Variants in NEXMIF observed in about 807,000 individuals in gnomAD.
The protein encoded by NEXMIF is neurite extension and migration factor, also known as XLMR protein related to neurite extension.
NEXMIF carries 8 observed loss-of-function variants against 62.1 expected under a neutral mutation model. The ratio of observed to expected loss-of-function variants is 0.13; its 90% CI spans 0.08 to 0.23. NEXMIF has a LOEUF of 0.23. NEXMIF is among the 10% of genes least tolerant of loss of function. NEXMIF has a pLI of 1.00. For missense variants in NEXMIF, 976 were observed against 1,113.3 expected (o/e 0.88, Z 1.75); for synonymous variants, 404 against 416.6 (o/e 0.97, Z 0.37).
At chrX:74,919,930 C>T (rs922746116) in intron 1 of NEXMIF, among the ~76,000 whole-genome samples, 1 of 110,722 alleles carries the variant, frequency 9.0e-6, no homozygotes, top group African/African-American at 3.3e-5. Flanking sequence ...CCAATTTCAT[C>T]CATGTCCCTA....
intron 1 of NEXMIF, among the ~76,000 whole-genome samples, chrX:74,846,121 C>T (rs2080491205): frequency 8.9e-6 from 1 of 112,949 alleles, no homozygotes; most frequent in East Asian, 2.8e-4. Context: ...CTTCTCCCAG[C>T]CACCCTCAAC....
intron 1 of NEXMIF, among the ~76,000 whole-genome samples, chrX:74,823,547 A>G (rs1424900460): frequency 2.7e-5 from 3 of 111,530 alleles, no homozygotes; most frequent in Non-Finnish European, 5.7e-5. Context: ...GAAATTCCAA[A>G]TTTTGATTGT....
intron 1 of NEXMIF, among the ~76,000 whole-genome samples, chrX:74,917,111 C>A (rs1233603330): frequency 8.9e-6 from 1 of 111,922 alleles, no homozygotes; most frequent in Non-Finnish European, 1.9e-5. Context: ...TGTGTCCCTG[C>A]CCAAATCCCA....
At chrX:74,921,974 T>C (rs1021268175) in intron 1 of NEXMIF, among the ~76,000 whole-genome samples, 2 of 111,666 alleles carry the variant, frequency 1.8e-5, no homozygotes, top group Non-Finnish European at 3.8e-5. Flanking sequence ...GAAGAAAAAA[T>C]ATTATTTACT....
intron 1 of NEXMIF, among the ~76,000 whole-genome samples, chrX:74,798,594 A>G (rs2147469478): frequency 8.9e-6 from 1 of 112,448 alleles, no homozygotes; most frequent in East Asian, 2.8e-4. Flanking sequence ...CTTATCAAGT[A>G]ATTTTGGTTT....
chrX:74,903,248 T>G (rs1343532423), intron 1 of NEXMIF, among the ~76,000 whole-genome samples: 1 of 109,374 alleles, frequency 9.1e-6, no homozygotes, highest in African/African-American at 3.3e-5. Context: ...GGTTTCTTTA[T>G]AGAGGAATTT....
intron 1 of NEXMIF, among the ~76,000 whole-genome samples, chrX:74,890,906 G>C (rs1273402612): frequency 9.0e-6 from 1 of 111,167 alleles, no homozygotes; most frequent in African/African-American, 3.3e-5. Flanking sequence ...CAGTAGACAT[G>C]CTGCCACTGC....
Position 74,743,047 on chromosome X carries a change from C to T in NEXMIF, c.1510G>A (p.Val504Ile), listed in dbSNP as rs1398828757. The change falls in exon 3 of 4, where the codon GTA becomes ATA. Residue 504 changes from valine to isoleucine, a missense_variant. Val to Ile is a conservative substitution (Grantham distance 29). Transcript: ENST00000055682. ...GGCAGCCATTCCTTCCTCTCATTTA[C>T]TTTTTCACCCTCTAGTGAGTCAACA... is the stretch of plus-strand genomic sequence containing the variant. Reference protein sequence around the residue: ...YDVDSLEGEKVNERKEWLPVG... With the variant: ...YDVDSLEGEKINERKEWLPVG... 2 of 1,208,709 alleles carry T rather than the reference C, an allele frequency of 1.7e-6. No homozygotes were observed. Among genetic ancestry groups the T allele is most frequent in the Non-Finnish European group, 2.2e-6 (2 of 894,559 alleles).
chrX:74,889,159 G>C (rs1316019175), intron 1 of NEXMIF, among the ~76,000 whole-genome samples: 1 of 111,954 alleles, frequency 8.9e-6, no homozygotes, highest in African/African-American at 3.2e-5. Context: ...GCAGAAATAA[G>C]CTGTGAGGGA....
chrX:74,797,079 A>G (rs2080314509), intron 1 of NEXMIF, among the ~76,000 whole-genome samples: 1 of 111,914 alleles, frequency 8.9e-6, no homozygotes, highest in Non-Finnish European at 1.9e-5. Context: ...TCCAAAATCT[A>G]TAACCCCAGT....
At chrX:74,833,747 T>C (rs1413898791) in intron 1 of NEXMIF, among the ~76,000 whole-genome samples, 2 of 111,788 alleles carry the variant, frequency 1.8e-5, no homozygotes, top group African/African-American at 6.5e-5. Context: ...ATTGCATGTT[T>C]TTTGATTTGA....
chrX:74,923,281 T>A (rs1402657852), intron 1 of NEXMIF, among the ~76,000 whole-genome samples: 1 of 111,882 alleles, frequency 8.9e-6, no homozygotes, highest in Admixed American at 9.5e-5. Context: ...TTGTTACTGC[T>A]GGGTAAAATG....
At chrX:74,765,151 T>G (rs1477381021) in intron 1 of NEXMIF, among the ~76,000 whole-genome samples, 2 of 111,891 alleles carry the variant, frequency 1.8e-5, no homozygotes, top group Non-Finnish European at 3.8e-5. Context: ...GACTTCTCGT[T>G]CAATTAAACT....
At chrX:74,839,620 A>G (rs2080467763) in intron 1 of NEXMIF, among the ~76,000 whole-genome samples, 1 of 111,327 alleles carries the variant, frequency 9.0e-6, no homozygotes, top group Non-Finnish European at 1.9e-5. Context: ...TTGTGTTCAT[A>G]AGTTCTTATC....
chrX:74,823,349 G>C (rs2080403661), intron 1 of NEXMIF, among the ~76,000 whole-genome samples: 1 of 111,393 alleles, frequency 9.0e-6, no homozygotes, highest in Admixed American at 9.6e-5. Context: ...GAATTGTATA[G>C]TATGCTAATT....
intron 1 of NEXMIF, among the ~76,000 whole-genome samples, chrX:74,872,951 T>C (rs1343355404): frequency 9.0e-6 from 1 of 110,739 alleles, no homozygotes; most frequent in African/African-American, 3.3e-5. Flanking sequence ...TTTTTAGTTT[T>C]TATTTTTTTT....
At position 74,742,137 on chromosome X, in the gene NEXMIF, A is replaced by G. The variant is rs1187699977; in HGVS notation, c.2420T>C (p.Ile807Thr). The change falls in exon 3 of 4, where the codon ATA (isoleucine) becomes ACA (threonine). Residue 807 changes from isoleucine to threonine, a missense_variant. Around this residue, in one of 5 missense-constraint regions of NEXMIF, gnomAD observed 639 missense variants for 694.5 expected, o/e 0.92. Coordinates refer to ENST00000055682, the MANE Select transcript of NEXMIF (RefSeq NM_001008537.3). Reference sequence around the variant, plus strand: ...CAGATACCCTCCCGGGATAACAGGTATATTAGTGGTAACATTAGCAGATGA... The same window carrying G: ...CAGATACCCTCCCGGGATAACAGGTGTATTAGTGGTAACATTAGCAGATGA... ...PLSSANVTTN[I>T]PVIPGGYLQT... 2 of 1,211,175 alleles carry G rather than the reference A, an allele frequency of 1.7e-6. No individual in the cohort carries two copies. The highest frequency in any genetic ancestry group is 1.7e-5 in the African/African-American group (1 of 57,862).
intron 1 of NEXMIF, among the ~76,000 whole-genome samples, chrX:74,806,122 C>A (rs1221196686): frequency 9.0e-6 from 1 of 111,433 alleles, no homozygotes; most frequent in Non-Finnish European, 1.9e-5. Flanking sequence ...TTATTTTATT[C>A]TCTTAACAGT....
chrX:74,800,875 T>C (rs1273846108), intron 1 of NEXMIF, among the ~76,000 whole-genome samples: 7 of 110,948 alleles, frequency 6.3e-5, no homozygotes, highest in African/African-American at 2.3e-4. Context: ...GAATATTCTA[T>C]GGGTTTTGAG....
Sources: gnomAD v4.1 joint callset for allele counts (sites outside exome capture counted in the v4.1 genomes callset) on GRCh38, gnomAD v4.1.1 for gene constraint, gnomAD v4.1.1 regional missense constraint, MANE v1.5 for transcripts, NCBI Gene and HGNC (gene_info 2026-07-23, HGNC 2026-07-21) for gene names.